Variants in OTOGL observed in about 807,000 individuals in gnomAD.
OTOGL encodes the protein otogelin like, also known as otogelin-like protein.
In OTOGL, 285 loss-of-function variants were observed where a neutral mutation model predicts 318.5. The ratio of observed to expected loss-of-function variants is 0.89; its 90% CI spans 0.81 to 0.99. The LOEUF (loss-of-function observed/expected upper bound fraction) is 0.99, where lower values mean the gene tolerates loss of function less well. Ranked by LOEUF, OTOGL falls within the 50% of genes least tolerant of loss-of-function variation. The probability of loss-of-function intolerance (pLI) is 0.00; values close to 1 mark genes in which losing one functional copy is unlikely to be tolerated. For synonymous variants in OTOGL, 987 were observed against 936.5 expected (o/e 1.05, Z -0.99); for missense variants, 2,899 against 2,845.6 (o/e 1.02, Z -0.43).
chr12:80,346,325 T>C (rs1450611194), intron 44 of OTOGL, among the ~76,000 whole-genome samples: 2 of 152,130 alleles, frequency 1.3e-5, no homozygotes, highest in Admixed American at 6.6e-5. Context: ...TCCCTTTCTC[T>C]ACCTTCTGCT....
intron 56 of OTOGL, among the ~76,000 whole-genome samples, chr12:80,371,511 G>A (rs1056794703): frequency 6.6e-6 from 1 of 151,964 alleles, no homozygotes; most frequent in African/African-American, 2.4e-5. Context: ...GCAGTTAGTA[G>A]GTTGCTAAAG....
chr12:80,116,716 C>A (rs777807648), intron 1 of OTOGL, among the ~76,000 whole-genome samples: 6 of 152,108 alleles, frequency 3.9e-5, no homozygotes, highest in Admixed American at 1.3e-4. Flanking sequence ...GAAAGGAAAG[C>A]CAAATGAGGA....
At chr12:80,321,025 T>A (rs1296142008) in intron 34 of OTOGL, among the ~76,000 whole-genome samples, 1 of 152,164 alleles carries the variant, frequency 6.6e-6, no homozygotes, top group African/African-American at 2.4e-5. Flanking sequence ...CAGGGCTCAC[T>A]CATGTGGCTT....
intron 24 of OTOGL, among the ~76,000 whole-genome samples, chr12:80,275,088 A>C (rs1183263914): frequency 1.3e-5 from 2 of 151,950 alleles, no homozygotes; most frequent in Non-Finnish European, 2.9e-5. Context: ...TTCAACTTTA[A>C]AGTCTTATTA....
In OTOGL at chr12:80,271,752, A is replaced by G. The variant is rs779734213; in HGVS notation, c.2623A>G (p.Met875Val). 19 of 1,613,108 alleles carry G rather than the reference A, an allele frequency of 1.2e-5. No individual in the cohort carries two copies. The highest frequency in any genetic ancestry group is 5.5e-5 in the South Asian group (5 of 91,074). ...NCETTCANLA[M>V]NFTCTPSSPC... ...TGAGACTACATGTGCAAACCTAGCC[A>G]TGAACTTCACCTGCACCCCATCCTC... The change falls in exon 24 of 59, where the codon ATG (methionine) becomes GTG (valine). Residue 875 changes from methionine (M) to valine (V), a missense_variant. Physicochemically the swap from Met to Val is conservative, Grantham distance 21. Around this residue, in one of 3 missense-constraint regions of OTOGL, gnomAD observed 2,607 missense variants for 2,524.9 expected, o/e 1.03. Transcript: ENST00000547103.
rs529408761 is a variant in OTOGL, at chr12:80,371,894, A to C, written c.6736-125A>C. The C allele has an allele frequency of 3.5e-4, 148 of 428,274 alleles. 2 individuals are homozygous for C. The South Asian group carries it at 6.3e-3, about 18-fold the overall frequency. 26.5% of individuals were successfully genotyped at this position (428,274 alleles called of 1,614,324 possible). ...TTTTAGTAATAGTTAAATTCCAACT[A>C]TTTTTCTATGAAGGCTTTGTGGTAT... On this transcript the variant is annotated intron_variant, in intron 56 of 58. Coordinates refer to ENST00000547103, the MANE Select transcript of OTOGL (RefSeq NM_001378609.3).
chr12:80,315,439 T>C (rs1025234422), intron 32 of OTOGL, among the ~76,000 whole-genome samples: 13 of 152,218 alleles, frequency 8.5e-5, no homozygotes, highest in Admixed American at 3.9e-4. Flanking sequence ...ATTACATTTT[T>C]AGTGAAATTA....
chr12:80,177,611 C>T (rs948742775), intron 1 of OTOGL, among the ~76,000 whole-genome samples: 15 of 151,982 alleles, frequency 9.9e-5, no homozygotes, highest in Admixed American at 3.3e-4. Context: ...TTTTGCATTT[C>T]TACAAAAAAG....
chr12:80,367,776 A>G (rs1890639858), intron 54 of OTOGL, 37 bp downstream of exon 54: 3 of 1,285,390 alleles, frequency 2.3e-6, no homozygotes, highest in Non-Finnish European at 3.1e-6. Context: ...GTGAGAGTTA[A>G]TGCATTCAAA....
intron 3 of OTOGL, 56 bp from the exon 4 acceptor site, chr12:80,211,893 T>C: frequency 7.3e-7 from 1 of 1,378,166 alleles, no homozygotes; most frequent in African/African-American, 1.4e-5. Context: ...TGGGAAAGGC[T>C]TGTTCAGGTT....
chr12:80,126,503 G>A (rs1431960881), intron 1 of OTOGL, among the ~76,000 whole-genome samples: 3 of 152,108 alleles, frequency 2.0e-5, no homozygotes, highest in East Asian at 1.9e-4. Flanking sequence ...GTGCTGAAAA[G>A]AATGTATATT....
At chr12:80,238,689 T>A (rs1012124718) in intron 9 of OTOGL, among the ~76,000 whole-genome samples, 162 bp from the exon 10 acceptor site, 9 of 152,218 alleles carry the variant, frequency 5.9e-5, no homozygotes, top group Non-Finnish European at 1.0e-4. Context: ...GTTTTTATTA[T>A]GATAAAGTAA....
At chr12:80,187,769 C>G (rs978258222) in intron 1 of OTOGL, among the ~76,000 whole-genome samples, 9 of 152,164 alleles carry the variant, frequency 5.9e-5, no homozygotes, top group African/African-American at 1.7e-4. Context: ...GCCCACACCT[C>G]TTGGAGGAGG....
intron 8 of OTOGL, among the ~76,000 whole-genome samples, chr12:80,230,149 A>G (rs1879235959): frequency 6.6e-6 from 1 of 152,180 alleles, no homozygotes. Flanking sequence ...TTCAGAATTC[A>G]CTAACAAGTG....
intron 29 of OTOGL, among the ~76,000 whole-genome samples, chr12:80,305,905 A>C (rs1886080496): frequency 6.6e-6 from 1 of 152,168 alleles, no homozygotes; most frequent in South Asian, 2.1e-4. Flanking sequence ...TAGATGAAGA[A>C]ATTGAGGCTC....
chr12:80,147,739 C>T (rs1872496700), intron 1 of OTOGL, among the ~76,000 whole-genome samples: 1 of 152,084 alleles, frequency 6.6e-6, no homozygotes, highest in African/African-American at 2.4e-5. Flanking sequence ...CTGGGTGCTC[C>T]TGTATTGGGT....
intron 1 of OTOGL, among the ~76,000 whole-genome samples, chr12:80,110,191 C>G (rs1430199904): frequency 1.3e-5 from 2 of 151,978 alleles, no homozygotes; most frequent in South Asian, 4.2e-4. Flanking sequence ...CCTCAGCCTC[C>G]CGAGTAGCTG....
intron 35 of OTOGL, among the ~76,000 whole-genome samples, chr12:80,326,996 A>C (rs1887714923): frequency 6.6e-6 from 1 of 152,218 alleles, no homozygotes; most frequent in South Asian, 2.1e-4. Context: ...ATGTTTTTAA[A>C]ATTTGTAAAT....
At chr12:80,307,129 G>C (rs60472548) in intron 29 of OTOGL, among the ~76,000 whole-genome samples, 9,194 of 148,920 alleles carry the variant, frequency 0.062, 957 homozygotes, top group African/African-American at 0.22. Flanking sequence ...TGGGGGTAAG[G>C]TCACCGATCA....
Sources: gnomAD v4.1 joint callset for allele counts (sites outside exome capture counted in the v4.1 genomes callset) on GRCh38, gnomAD v4.1.1 for gene constraint, gnomAD v4.1.1 regional missense constraint, MANE v1.5 for transcripts, NCBI Gene and HGNC (gene_info 2026-07-23, HGNC 2026-07-21) for gene names.